The following CCDC6 variants were observed in gnomAD, a reference collection of about 807,000 sequenced individuals.
The protein encoded by CCDC6 is coiled-coil domain-containing protein 6.
A neutral mutation model predicts 56.6 loss-of-function variants in CCDC6; 20 were observed. The observed-to-expected ratio is 0.35, with a 90% CI of 0.25 to 0.51. CCDC6 has a LOEUF of 0.51. Ranked by LOEUF, CCDC6 falls within the 20% of genes least tolerant of loss-of-function variation. CCDC6 has a pLI of 0.95. For missense variants in CCDC6, 367 were observed against 601.1 expected (o/e 0.61, Z 4.07); for synonymous variants, 241 against 234.4 (o/e 1.03, Z -0.26).
chr10:59,837,767 A>AG (rs937094614), intron 2 of CCDC6, among the ~76,000 whole-genome samples: 10 of 143,780 alleles, frequency 7.0e-5, no homozygotes, highest in African/African-American at 2.0e-4. Context: ...AAAAAAAAAA[A>AG]AAAGAAAGAA....
chr10:59,862,514 T>C lies in CCDC6; in HGVS notation c.304-9812A>G, dbSNP rs566335402. The stretch of plus-strand genomic sequence containing the variant: ...AGAAAAAAAAAAGTATATATATATA[T>C]ATACACACACACACACACACACACA... On this transcript the variant is annotated intron_variant, in intron 1 of 8. Transcript: ENST00000263102. 4.0e-3 allele frequency among the ~76,000 whole-genome samples: 291 copies of C among 73,032 alleles called. 8 individuals are homozygous for C. The highest frequency in any genetic ancestry group is 0.021 in the African/African-American group (252 of 12,284). 47.9% of individuals were successfully genotyped at this position (73,032 alleles called of 152,430 possible).
rs187602203 is a variant in CCDC6 at position 59,794,856 on chromosome 10, G to T, written c.1106-259C>A. On this transcript the variant is annotated intron_variant, in intron 7 of 8. Coordinates refer to ENST00000263102, the MANE Select transcript of CCDC6 (RefSeq NM_005436.5). ...AAAAGGGCACCAAGAATACACAACG[G>T]GGAAAGAGAACAGTCTCTTCAACAG... Among the ~76,000 whole-genome samples the T allele has an allele frequency of 3.3e-5, 5 of 152,172 alleles. No individual in the cohort carries two copies. In the East Asian group the frequency reaches 9.6e-4, roughly 29 times the overall value.
intron 2 of CCDC6, among the ~76,000 whole-genome samples, chr10:59,833,658 G>C (rs1297614464): frequency 8.8e-6 from 1 of 113,224 alleles, no homozygotes; most frequent in Non-Finnish European, 1.9e-5. Context: ...GGGGGGGTTT[G>C]TTGATCCACA....
In CCDC6 at chr10:59,792,553, T is replaced by C; in HGVS notation, c.*364A>G. 1 of 539,060 alleles carries C rather than the reference T, an allele frequency of 1.9e-6. No homozygotes were observed. Among genetic ancestry groups the C allele is most frequent in the Non-Finnish European group, 3.5e-6 (1 of 285,604 alleles). 33.4% of individuals were successfully genotyped at this position (539,060 alleles called of 1,614,324 possible). A position where few individuals can be genotyped will look rare whatever the true frequency, so the allele number is the denominator to read the frequency against. On this transcript the variant is annotated 3_prime_UTR_variant, in exon 9 of 9. Coordinates refer to ENST00000263102, the MANE Select transcript of CCDC6 (RefSeq NM_005436.5). The stretch of plus-strand genomic sequence containing the variant: ...TTCTGCAGATTCATGGAAAAAAATA[T>C]AAAAAAGATATCCCTTTTTCTTTTA...
intron 2 of CCDC6, among the ~76,000 whole-genome samples, chr10:59,846,147 G>C (rs930345473): frequency 6.6e-6 from 1 of 152,084 alleles, no homozygotes; most frequent in African/African-American, 2.4e-5. Context: ...GAGTCTTTCA[G>C]GGGTTAAGTA....
At chr10:59,868,743 G>C (rs1230561430) in intron 1 of CCDC6, among the ~76,000 whole-genome samples, 1 of 152,158 alleles carries the variant, frequency 6.6e-6, no homozygotes, top group Non-Finnish European at 1.5e-5. Flanking sequence ...TTTGGTACAT[G>C]CTAAGCAGAG....
chr10:59,829,160 C>G (rs1374111109), intron 3 of CCDC6, among the ~76,000 whole-genome samples: 1 of 152,276 alleles, frequency 6.6e-6, no homozygotes, highest in African/African-American at 2.4e-5. Context: ...TAACTGGGGC[C>G]TTCCTAGGAA....
chr10:59,865,852 C>CAAAAAAAAAAAAAAAAA lies in CCDC6; in HGVS notation c.304-13167_304-13151dup, dbSNP rs777021321. Among the ~76,000 whole-genome samples the CAAAAAAAAAAAAAAAAA allele has an allele frequency of 2.3e-3, 133 of 57,032 alleles. 8 individuals carry two copies. The highest frequency in any genetic ancestry group is 9.5e-3 in the African/African-American group (129 of 13,644). 37.4% of individuals were successfully genotyped at this position (57,032 alleles called of 152,430 possible). Reference sequence around the variant, plus strand: ...GTGACAGAGAGAGACTCCATCTCCACAAAAAAAAAAAAAAAAAAAAAAGAA... The same window carrying CAAAAAAAAAAAAAAAAA: ...GTGACAGAGAGAGACTCCATCTCCACAAAAAAAAAAAAAAAAAAAAAAAAAAAAAAAAAAAAAAAGAA... On this transcript the variant is annotated intron_variant, in intron 1 of 8. Transcript: ENST00000263102.
At chr10:59,892,530 A>C (rs1264147446) in intron 1 of CCDC6, among the ~76,000 whole-genome samples, 2 of 152,178 alleles carry the variant, frequency 1.3e-5, no homozygotes, top group African/African-American at 2.4e-5. Context: ...ACCCCCGCTC[A>C]GCTTTCAAGA....
intron 1 of CCDC6, among the ~76,000 whole-genome samples, chr10:59,877,460 C>CT (rs1450122146): frequency 6.6e-6 from 1 of 152,118 alleles, no homozygotes; most frequent in East Asian, 1.9e-4. Flanking sequence ...GTCAGGTTCT[C>CT]TTTGATTACG....
chr10:59,868,288 G>A (rs757740208), intron 1 of CCDC6, among the ~76,000 whole-genome samples: 12 of 152,152 alleles, frequency 7.9e-5, no homozygotes, highest in Non-Finnish European at 1.8e-4. Context: ...TAAGGGGAAG[G>A]TGCTAAGTGA....
intron 2 of CCDC6, among the ~76,000 whole-genome samples, chr10:59,844,988 A>G (rs866571016): frequency 6.6e-6 from 1 of 152,238 alleles, no homozygotes; most frequent in Non-Finnish European, 1.5e-5. Context: ...TCCGTATTTT[A>G]AAGTAATTAC....
intron 3 of CCDC6, among the ~76,000 whole-genome samples, chr10:59,820,843 A>G (rs1198013591): frequency 6.6e-6 from 1 of 152,040 alleles, no homozygotes; most frequent in Admixed American, 6.5e-5. Context: ...ACCAAACTCT[A>G]AAGTTGGCTA....
intron 1 of CCDC6, among the ~76,000 whole-genome samples, chr10:59,892,245 A>G (rs769690169): frequency 6.6e-6 from 1 of 152,240 alleles, no homozygotes; most frequent in Non-Finnish European, 1.5e-5. Flanking sequence ...TACTAAAGTC[A>G]GAAAACGTGT....
At chr10:59,837,745 T>TAA (rs2070895667) in intron 2 of CCDC6, among the ~76,000 whole-genome samples, 1 of 28,110 alleles carries the variant, frequency 3.6e-5, no homozygotes. Flanking sequence ...AGACTCTGTC[T>TAA]CAAAAAAAAA....
intron 2 of CCDC6, among the ~76,000 whole-genome samples, chr10:59,842,719 A>AT (rs1241960934): frequency 1.5e-5 from 2 of 133,576 alleles, no homozygotes; most frequent in African/African-American, 2.7e-5. Context: ...TTGGGGACCC[A>AT]TTTTTTTCCC....
chr10:59,803,264 G>C (rs1220605509), intron 7 of CCDC6, among the ~76,000 whole-genome samples: 1 of 151,844 alleles, frequency 6.6e-6, no homozygotes, highest in Non-Finnish European at 1.5e-5. Context: ...CTGGCCCATC[G>C]GTACAAAGGC....
intron 3 of CCDC6, among the ~76,000 whole-genome samples, chr10:59,824,321 A>G (rs539414977): frequency 1.3e-5 from 2 of 152,300 alleles, no homozygotes; most frequent in South Asian, 4.1e-4. Flanking sequence ...GGATTCCAAA[A>G]CAAATCAACT....
At chr10:59,822,106 A>G (rs994536476) in intron 3 of CCDC6, among the ~76,000 whole-genome samples, 17 of 152,244 alleles carry the variant, frequency 1.1e-4, no homozygotes, top group African/African-American at 4.1e-4. Context: ...GGAAGATAGA[A>G]TTTTCCAGAT....
Sources: gnomAD v4.1 joint callset for allele counts (sites outside exome capture counted in the v4.1 genomes callset) on GRCh38, gnomAD v4.1.1 for gene constraint, MANE v1.5 for transcripts, NCBI Gene and HGNC (gene_info 2026-07-23, HGNC 2026-07-21) for gene names.